Variants in EEF2K observed in about 807,000 individuals in gnomAD.
EEF2K encodes eukaryotic elongation factor 2 kinase, also known as alternative protein EEF2K.
Under a neutral mutation model 93.8 loss-of-function variants are expected in EEF2K, and 70 were observed. The ratio of observed to expected loss-of-function variants is 0.75; its 90% CI spans 0.62 to 0.91. The LOEUF (loss-of-function observed/expected upper bound fraction) is 0.91. Among genes scored for constraint, EEF2K ranks in the 40% least tolerant of loss-of-function variants. EEF2K has a pLI of 0.00. For synonymous variants in EEF2K, 376 were observed against 380.8 expected, an observed-to-expected ratio of 0.99 and a Z score of 0.15; for missense variants, 935 against 972.9, an observed-to-expected ratio of 0.96 and a Z score of 0.52.
In EEF2K at chr16:22,266,712, C is replaced by T; in HGVS notation, c.1600C>T (p.His534Tyr). 1 of 1,612,578 alleles carries T rather than the reference C, an allele frequency of 6.2e-7. No homozygotes were observed. Among genetic ancestry groups the T allele is most frequent in the Non-Finnish European group, 8.5e-7 (1 of 1,179,200 alleles). ...GKVHLAMVRY[H>Y]EGGRFCEKGE... ...GGTCCATCTGGCCATGGTGCGCTACCACGAGGGTGGGCGCTTCTGCGAGAA... is the reference window on the plus strand; with the variant it reads ...GGTCCATCTGGCCATGGTGCGCTACTACGAGGGTGGGCGCTTCTGCGAGAA... The change falls in exon 15 of 18, where the codon CAC (histidine) becomes TAC (tyrosine). Residue 534 changes from histidine to tyrosine, a missense_variant. By Grantham distance (83) the His-to-Tyr change is moderately conservative. Transcript: ENST00000263026.
chr16:22,247,577 G>A (rs2141667337), intron 3 of EEF2K, among the ~76,000 whole-genome samples: 1 of 152,224 alleles, frequency 6.6e-6, no homozygotes, highest in African/African-American at 2.4e-5. Context: ...TGCTATAACA[G>A]AGTGGCCAAG....
At chr16:22,236,555 A>C (rs2047169718) in intron 2 of EEF2K, among the ~76,000 whole-genome samples, 1 of 152,016 alleles carries the variant, frequency 6.6e-6, no homozygotes, top group African/African-American at 2.4e-5. Flanking sequence ...TATAACATGA[A>C]GTGACTGTAA....
At chr16:22,263,923 C>G (rs1347358831) in intron 12 of EEF2K, among the ~76,000 whole-genome samples, 1 of 152,146 alleles carries the variant, frequency 6.6e-6, no homozygotes, top group African/African-American at 2.4e-5. Flanking sequence ...GAGGTCTTAC[C>G]CTGTGCTGAA....
intron 2 of EEF2K, among the ~76,000 whole-genome samples, chr16:22,236,819 A>G (rs2047172153): frequency 6.7e-6 from 1 of 150,234 alleles, no homozygotes; most frequent in Non-Finnish European, 1.5e-5. Flanking sequence ...TATAATTATT[A>G]TGATTTCACT....
chr16:22,268,848 T>C (rs1015961445), intron 15 of EEF2K, among the ~76,000 whole-genome samples: 1 of 151,770 alleles, frequency 6.6e-6, no homozygotes, highest in Non-Finnish European at 1.5e-5. Context: ...TCCCAGCTAC[T>C]TGGGAGGCTG....
chr16:22,224,643 AAAAAG>A (rs200572711), intron 1 of EEF2K, among the ~76,000 whole-genome samples: 16,641 of 140,170 alleles, frequency 0.12, 1,083 homozygotes, highest in East Asian at 0.33. Flanking sequence ...TCTCAAAAAA[AAAAAG>A]AAAAGAAAAG....
Position 22,257,732 on chromosome 16 carries a change from C to T in EEF2K, c.991C>T (p.Arg331Trp), listed in dbSNP as rs1427315364. 9.3e-6 allele frequency: 15 copies of T among 1,613,832 alleles called. No individual in the cohort carries two copies. Among genetic ancestry groups the T allele is most frequent in the South Asian group, 4.4e-5 (4 of 91,084 alleles). Reference sequence around the variant, plus strand: ...CCTTGCTCCCTTTGACCTCTCGCCCCGGGAGAGGGATGCAGTGAATCAGAA... The same window carrying T: ...CCTTGCTCCCTTTGACCTCTCGCCCTGGGAGAGGGATGCAGTGAATCAGAA... ...MGLAPFDLSP[R>W]ERDAVNQNTK... Residue 331 changes from arginine to tryptophan, a missense_variant, in exon 9 of 18, where the codon CGG becomes TGG. Transcript: ENST00000263026.
chr16:22,251,939 G>A (rs538081730), intron 6 of EEF2K, among the ~76,000 whole-genome samples: 1 of 151,908 alleles, frequency 6.6e-6, no homozygotes, highest in Admixed American at 6.6e-5. Flanking sequence ...GACTACAGGG[G>A]TATGCCACCA....
At chr16:22,276,609 G>A (rs1253070877) in intron 16 of EEF2K, among the ~76,000 whole-genome samples, 1 of 152,176 alleles carries the variant, frequency 6.6e-6, no homozygotes, top group East Asian at 1.9e-4. Flanking sequence ...AAGGATGGAC[G>A]CCCTCGCCAA....
chr16:22,210,498 C>T (rs1222934187), intron 1 of EEF2K, among the ~76,000 whole-genome samples: 3 of 152,176 alleles, frequency 2.0e-5, no homozygotes, highest in Non-Finnish European at 2.9e-5. Flanking sequence ...GGTGAGGCTG[C>T]TGCAGTGGCT....
At chr16:22,277,765 C>A (rs1290535451) in intron 16 of EEF2K, among the ~76,000 whole-genome samples, 5 of 152,144 alleles carry the variant, frequency 3.3e-5, no homozygotes, top group African/African-American at 1.2e-4. Flanking sequence ...CTGTTCTGTG[C>A]TGGTAACAGA....
intron 3 of EEF2K, among the ~76,000 whole-genome samples, chr16:22,245,938 G>T (rs753667030): frequency 5.3e-5 from 8 of 152,068 alleles, no homozygotes; most frequent in Non-Finnish European, 1.2e-4. Context: ...CTAATTGAAG[G>T]AATTAGAGGA....
intron 13 of EEF2K, 77 bp from the exon 14 acceptor site, chr16:22,266,313 T>C: frequency 6.5e-7 from 1 of 1,539,662 alleles, no homozygotes; most frequent in Non-Finnish European, 8.7e-7. Context: ...GGCTCCTGTG[T>C]AGTAGGGGCT....
intron 16 of EEF2K, among the ~76,000 whole-genome samples, chr16:22,275,677 G>A (rs1166614355): frequency 1.3e-5 from 2 of 151,196 alleles, no homozygotes; most frequent in East Asian, 3.9e-4. Context: ...GTCTTTCTCT[G>A]TATCCCAGGC....
chr16:22,247,627 A>T (rs1339856207), intron 3 of EEF2K, among the ~76,000 whole-genome samples: 2 of 152,142 alleles, frequency 1.3e-5, no homozygotes, highest in Non-Finnish European at 2.9e-5. Flanking sequence ...TCAGTCTGTT[A>T]CCATTAGCTC....
At position 22,287,265 on chromosome 16, in the gene EEF2K, C is replaced by T. The variant is rs766415508; in HGVS notation, c.*3269C>T. On this transcript the variant is annotated 3_prime_UTR_variant, in exon 18 of 18. Transcript: ENST00000263026. Reference sequence around the variant, plus strand: ...TGGGCGACAGAGTGAGACTCCGTCTCGAAACCAAAAACAAGAAAAACCCCT... The same window carrying T: ...TGGGCGACAGAGTGAGACTCCGTCTTGAAACCAAAAACAAGAAAAACCCCT... 7 of 152,316 alleles carry T rather than the reference C, an allele frequency of 4.6e-5. No homozygotes were observed. Among genetic ancestry groups the T allele is most frequent in the East Asian group, 3.9e-4 (2 of 5,184 alleles). 9.4% of individuals were successfully genotyped at this position (152,316 alleles called of 1,614,324 possible).
intron 1 of EEF2K, among the ~76,000 whole-genome samples, chr16:22,212,734 C>CTGTA (rs2046926869): frequency 6.6e-6 from 1 of 152,132 alleles, no homozygotes; most frequent in Non-Finnish European, 1.5e-5. Context: ...TGGCTCACAC[C>CTGTA]TGTAATTCCA....
intron 17 of EEF2K, among the ~76,000 whole-genome samples, 198 bp downstream of exon 17, chr16:22,280,574 A>C (rs2047683296): frequency 6.6e-6 from 1 of 152,098 alleles, no homozygotes; most frequent in Admixed American, 6.6e-5. Context: ...GGGTTTTTGC[A>C]ATTTTAAAAA....
At position 22,237,333 on chromosome 16, in the gene EEF2K, C is replaced by T. The variant is rs77708524; in HGVS notation, c.247-7297C>T. ...GAAATAGAGGATATTAGAGCTGGCA[C>T]GGCCTTAAGAATCATCTAACCTGGC... is the stretch of plus-strand genomic sequence containing the variant. On this transcript the variant is annotated intron_variant, in intron 2 of 17. Coordinates refer to ENST00000263026, the MANE Select transcript of EEF2K (RefSeq NM_013302.5). Among the ~76,000 whole-genome samples, 361 of 152,078 alleles carry T rather than the reference C, an allele frequency of 2.4e-3. 3 individuals carry two copies. The highest frequency in any genetic ancestry group is 0.014 in the Middle Eastern group (4 of 294).
Sources: gnomAD v4.1 joint callset for allele counts (sites outside exome capture counted in the v4.1 genomes callset) on GRCh38, gnomAD v4.1.1 for gene constraint, MANE v1.5 for transcripts, NCBI Gene and HGNC (gene_info 2026-07-23, HGNC 2026-07-21) for gene names.